ADARB2: variants seen among roughly 807,000 people sequenced by gnomAD.
The protein encoded by ADARB2 is adenosine deaminase RNA specific B2 (inactive), also known as inactive double-stranded RNA-specific editase B2.
In ADARB2, 25 loss-of-function variants were observed where a neutral mutation model predicts 62.2. That is an observed-to-expected ratio of 0.40 (90% CI 0.29 to 0.56). The LOEUF is 0.56. Ranked by LOEUF, ADARB2 falls within the 20% of genes least tolerant of loss-of-function variation. The pLI, the probability that ADARB2 is intolerant of heterozygous loss-of-function variation, is 0.43. For synonymous variants in ADARB2, 572 were observed against 500.8 expected, an observed-to-expected ratio of 1.14 and a Z score of -1.90; for missense variants, 1,071 against 1,077.4, an observed-to-expected ratio of 0.99 and a Z score of 0.08.
chr10:1,510,612 A>G (rs867479892), intron 1 of ADARB2, among the ~76,000 whole-genome samples: 2 of 152,322 alleles, frequency 1.3e-5, no homozygotes, highest in African/African-American at 4.8e-5. Context: ...GTTGAATTTC[A>G]TATGCATACA....
chr10:1,564,201 G>A (rs1355219700), intron 1 of ADARB2, among the ~76,000 whole-genome samples: 6 of 152,124 alleles, frequency 3.9e-5, no homozygotes, highest in Admixed American at 6.5e-5. Context: ...CTGAGGAATC[G>A]CCACACTGAC....
chr10:1,243,050 G>A (rs1830942875), intron 4 of ADARB2, among the ~76,000 whole-genome samples: 1 of 152,206 alleles, frequency 6.6e-6, no homozygotes, highest in African/African-American at 2.4e-5. Context: ...CACTTAGATG[G>A]TGAATTCCTT....
intron 1 of ADARB2, among the ~76,000 whole-genome samples, chr10:1,534,028 G>GGGGA (rs1014178641): frequency 6.0e-5 from 9 of 150,822 alleles, no homozygotes; most frequent in Non-Finnish European, 8.8e-5. Context: ...GACTTTGATG[G>GGGGA]GGGAGGGAGG....
At chr10:1,264,322 G>C (rs1277302056) in intron 4 of ADARB2, among the ~76,000 whole-genome samples, 1 of 152,198 alleles carries the variant, frequency 6.6e-6, no homozygotes, top group Non-Finnish European at 1.5e-5. Flanking sequence ...GTGACTGCCA[G>C]TCATTCAGGG....
intron 1 of ADARB2, among the ~76,000 whole-genome samples, chr10:1,576,468 A>G (rs1419701638): frequency 6.6e-6 from 1 of 152,120 alleles, no homozygotes; most frequent in Non-Finnish European, 1.5e-5. Context: ...ACTTCCTGCA[A>G]ATACGGTAGC....
chr10:1,207,303 G>A (rs1837081456), intron 7 of ADARB2, among the ~76,000 whole-genome samples: 1 of 152,312 alleles, frequency 6.6e-6, no homozygotes, highest in Non-Finnish European at 1.5e-5. Flanking sequence ...CCGGGATCAC[G>A]CCATGCACTC....
intron 1 of ADARB2, among the ~76,000 whole-genome samples, chr10:1,563,892 G>A (rs1832822636): frequency 6.8e-6 from 1 of 147,398 alleles, no homozygotes. Context: ...TTGGTTTTTT[G>A]TTCTTGCGAT....
chr10:1,221,210 C>G (rs1184491409), intron 6 of ADARB2, among the ~76,000 whole-genome samples: 5 of 152,048 alleles, frequency 3.3e-5, no homozygotes, highest in Non-Finnish European at 7.4e-5. Flanking sequence ...AAGTGTAGAA[C>G]CTCAAACTCC....
chr10:1,411,521 G>A (rs1333383976), intron 1 of ADARB2, among the ~76,000 whole-genome samples: 1 of 152,244 alleles, frequency 6.6e-6, no homozygotes, highest in East Asian at 1.9e-4. Flanking sequence ...GGAATTTGAA[G>A]CTTTTTCCTC....
intron 1 of ADARB2, among the ~76,000 whole-genome samples, chr10:1,671,233 C>A (rs1436227553): frequency 1.3e-5 from 2 of 152,196 alleles, no homozygotes; most frequent in Non-Finnish European, 2.9e-5. Context: ...TCGCCCCCAC[C>A]CGCCTTGGGC....
intron 1 of ADARB2, among the ~76,000 whole-genome samples, chr10:1,719,865 T>C (rs947290835): frequency 6.6e-6 from 1 of 152,214 alleles, no homozygotes; most frequent in Non-Finnish European, 1.5e-5. Flanking sequence ...CCAGTCAGAA[T>C]GGCTATGACA....
At chr10:1,696,004 G>T (rs1338026664) in intron 1 of ADARB2, among the ~76,000 whole-genome samples, 4 of 152,010 alleles carry the variant, frequency 2.6e-5, no homozygotes, top group Non-Finnish European at 4.4e-5. Context: ...TGTGGGGTGT[G>T]CCTGTGTGTA....
At chr10:1,197,563 C>T (rs1836926830) in intron 8 of ADARB2, among the ~76,000 whole-genome samples, 1 of 152,182 alleles carries the variant, frequency 6.6e-6, no homozygotes, top group African/African-American at 2.4e-5. Flanking sequence ...ATTTTATCAC[C>T]AGCACTGCAA....
intron 1 of ADARB2, among the ~76,000 whole-genome samples, chr10:1,525,048 T>C (rs1256212203): frequency 1.3e-5 from 2 of 152,158 alleles, no homozygotes; most frequent in Non-Finnish European, 2.9e-5. Context: ...GCTTTAGTAA[T>C]AAAATAATAA....
At chr10:1,206,517 A>G (rs1837069554) in intron 7 of ADARB2, among the ~76,000 whole-genome samples, 1 of 150,760 alleles carries the variant, frequency 6.6e-6, no homozygotes, top group African/African-American at 2.4e-5. Context: ...GTGGTCTGAG[A>G]GAACTGCGGG....
chr10:1,729,197 A>G (rs1449656945), intron 1 of ADARB2, among the ~76,000 whole-genome samples: 9 of 152,226 alleles, frequency 5.9e-5, no homozygotes, highest in Non-Finnish European at 1.5e-5. Context: ...TAGGCTACCT[A>G]TGTTTTTCTT....
chr10:1,476,111 A>G (rs146276123), intron 1 of ADARB2, among the ~76,000 whole-genome samples: 15 of 152,322 alleles, frequency 9.8e-5, no homozygotes, highest in African/African-American at 3.6e-4. Context: ...GAAGTAAAAC[A>G]TCCTTTGAAG....
chr10:1,691,932 T>C (rs570939779), intron 1 of ADARB2, among the ~76,000 whole-genome samples: 1 of 152,290 alleles, frequency 6.6e-6, no homozygotes, highest in Middle Eastern at 3.4e-3. Flanking sequence ...CACGCATGCA[T>C]GTATCTACTA....
In ADARB2 at chr10:1,363,884, T is replaced by A; in HGVS notation, c.221A>T (p.Asn74Ile). 2.0e-6 allele frequency: 3 copies of A among 1,489,492 alleles called. No homozygotes were observed. Among genetic ancestry groups the A allele is most frequent in the Non-Finnish European group, 2.7e-6 (3 of 1,130,280 alleles). 92.3% of individuals were successfully genotyped at this position (1,489,492 alleles called of 1,614,324 possible). ...TSSAEVKENRNVGNLAARPPP... is the reference protein window; with the variant it reads ...TSSAEVKENRIVGNLAARPPP... ...TGGCCGCGCGGCCAGGTTGCCCACG[T>A]TGCGGTTCTCCTTCACCTCCGCGCT... Residue 74 changes from asparagine (N) to isoleucine (I), a missense_variant, in exon 3 of 10, where the codon AAC becomes ATC. By Grantham distance (149) the Asn-to-Ile change is moderately radical. Transcript: ENST00000381312.
Sources: allele counts gnomAD v4.1 joint callset (sites outside exome capture counted in the v4.1 genomes callset), GRCh38; gene constraint gnomAD v4.1.1; transcripts MANE v1.5; gene names NCBI Gene and HGNC (gene_info 2026-07-23, HGNC 2026-07-21).